BACE2: variants seen among roughly 807,000 people sequenced by gnomAD.
BACE2 encodes 56 kDa aspartic-like protease.
Under a neutral mutation model 46.2 loss-of-function variants are expected in BACE2, and 17 were observed. The observed-to-expected ratio is 0.37, with a 90% confidence interval of 0.25 to 0.55. BACE2 has a LOEUF of 0.55. BACE2 is among the 20% of genes least tolerant of loss of function. The pLI, the probability that BACE2 is intolerant of heterozygous loss-of-function variation, is 0.82. For missense variants in BACE2, 595 were observed against 698.1 expected, an observed-to-expected ratio of 0.85 and a Z score of 1.66; for synonymous variants, 277 against 295.9, an observed-to-expected ratio of 0.94 and a Z score of 0.66.
intron 2 of BACE2, among the ~76,000 whole-genome samples, chr21:41,233,831 T>A: frequency 6.6e-6 from 1 of 152,212 alleles, no homozygotes; most frequent in South Asian, 2.1e-4. Context: ...CATGGTGGCA[T>A]GCGCCTGTAA....
intron 1 of BACE2, among the ~76,000 whole-genome samples, chr21:41,209,052 C>A (rs2123542654): frequency 6.6e-6 from 1 of 152,338 alleles, no homozygotes; most frequent in East Asian, 1.9e-4. Flanking sequence ...CCCAAACGTT[C>A]TGTCGTGCGG....
Position 41,275,942 on chromosome 21 carries a change from G to A in BACE2, c.*318G>A, listed in dbSNP as rs1313902850. On this transcript the variant is annotated 3_prime_UTR_variant, in exon 9 of 9. Coordinates refer to ENST00000330333, the MANE Select transcript of BACE2 (RefSeq NM_012105.5). ...TGCCACCAACATAAAACAAAACCAA[G>A]CCTTGGCTCGTTCTCTTCTCTCTTC... 2 of 308,712 alleles carry A rather than the reference G, an allele frequency of 6.5e-6. No individual in the cohort carries two copies. Among genetic ancestry groups the A allele is most frequent in the Admixed American group, 4.5e-5 (1 of 22,014 alleles). 19.1% of individuals were successfully genotyped at this position (308,712 alleles called of 1,614,324 possible).
chr21:41,187,756 G>A (rs937818672), intron 1 of BACE2, among the ~76,000 whole-genome samples: 33 of 152,150 alleles, frequency 2.2e-4, no homozygotes, highest in African/African-American at 6.8e-4. Context: ...CCACAAAACC[G>A]CCTTTGAGAG....
In BACE2 at chr21:41,282,295, G is replaced by A. The variant is rs77183214; in HGVS notation, c.*6671G>A. ...GGGAATTTTTCTCTATTTCCAGCAC[G>A]CTGATTTGATTTAAAAATGTAATAA... On this transcript the variant is annotated 3_prime_UTR_variant, in exon 9 of 9. Coordinates refer to ENST00000330333, the MANE Select transcript of BACE2 (RefSeq NM_012105.5). 1.2e-3 allele frequency: 185 copies of A among 152,148 alleles called. 1 individual carries two copies. Among genetic ancestry groups the A allele is most frequent in the African/African-American group, 4.1e-3 (172 of 41,510 alleles). 9.4% of individuals were successfully genotyped at this position (152,148 alleles called of 1,614,324 possible).
chr21:41,195,474 A>T (rs1275197417), intron 1 of BACE2, among the ~76,000 whole-genome samples: 1 of 152,234 alleles, frequency 6.6e-6, no homozygotes, highest in Non-Finnish European at 1.5e-5. Flanking sequence ...GCAGTCAAAT[A>T]CAGAACTTCC....
At chr21:41,271,532 T>G (rs1399354194) in intron 8 of BACE2, among the ~76,000 whole-genome samples, 4 of 152,240 alleles carry the variant, frequency 2.6e-5, no homozygotes, top group Non-Finnish European at 4.4e-5. Flanking sequence ...CAAAGAAAAC[T>G]ATTTTTCTTT....
intron 2 of BACE2, chr21:41,236,760 C>CCGTG (rs1987130827): frequency 6.6e-6 from 1 of 152,238 alleles, no homozygotes; most frequent in African/African-American, 2.4e-5. Context: ...CTCTGGGATG[C>CCGTG]CGGCACCTAC....
chr21:41,255,584 G>A (rs1358712193), intron 7 of BACE2, among the ~76,000 whole-genome samples: 2 of 152,198 alleles, frequency 1.3e-5, no homozygotes, highest in Non-Finnish European at 2.9e-5. Flanking sequence ...TTACTGCCTG[G>A]TTCCCCCTAG....
chr21:41,184,087 G>A lies in BACE2; in HGVS notation c.312+15512G>A, dbSNP rs547273847. 4 of 167,094 alleles carry A rather than the reference G, an allele frequency of 2.4e-5. No homozygotes were observed. The South Asian group carries it at 6.2e-4, about 26-fold the overall frequency. The allele number at this position is 167,094 out of a possible 1,614,324, so 10.4% of individuals were successfully genotyped here. Reference sequence around the variant, plus strand: ...ACTTTAAAGGCTATGTTTAAGCGTCGTTTCATAGGACTTGAAGGTCCCATT... The same window carrying A: ...ACTTTAAAGGCTATGTTTAAGCGTCATTTCATAGGACTTGAAGGTCCCATT... On this transcript the variant is annotated intron_variant, in intron 1 of 8. Coordinates refer to ENST00000330333, the MANE Select transcript of BACE2 (RefSeq NM_012105.5).
At chr21:41,226,223 A>G (rs368254374) in intron 1 of BACE2, 43 bp from the exon 2 acceptor site, 42 of 1,495,544 alleles carry the variant, frequency 2.8e-5, no homozygotes, top group Non-Finnish European at 3.5e-5. Flanking sequence ...TATTAAAATA[A>G]CTTGATGCTT....
At chr21:41,204,971 A>AT (rs1986081099) in intron 1 of BACE2, among the ~76,000 whole-genome samples, 1 of 152,194 alleles carries the variant, frequency 6.6e-6, no homozygotes. Context: ...ATGGAAAAAA[A>AT]CATCAAAGCC....
intron 8 of BACE2, among the ~76,000 whole-genome samples, chr21:41,268,029 AAATACAC>A: frequency 6.6e-6 from 1 of 152,232 alleles, no homozygotes; most frequent in East Asian, 1.9e-4. Context: ...CTTTCAGAGA[AAATACAC>A]AATTAAAATT....
At chr21:41,194,592 G>A (rs730513) in intron 1 of BACE2, among the ~76,000 whole-genome samples, 21,990 of 152,090 alleles carry the variant, frequency 0.14, 1,799 homozygotes, top group Non-Finnish European at 0.18. Context: ...GAAAATACAA[G>A]GCCCTCAACA....
chr21:41,183,887 G>A (rs1985245758), intron 1 of BACE2: 1 of 167,016 alleles, frequency 6.0e-6, no homozygotes, highest in Non-Finnish European at 1.5e-5. Flanking sequence ...TTCTGGCCCA[G>A]GGGTCAGCAA....
intron 1 of BACE2, among the ~76,000 whole-genome samples, chr21:41,204,012 G>C (rs984633302): frequency 6.6e-6 from 1 of 152,080 alleles, no homozygotes; most frequent in Non-Finnish European, 1.5e-5. Context: ...CTGTGGAGGA[G>C]AACAGAGAGA....
At chr21:41,217,986 C>CT (rs1986526852) in intron 1 of BACE2, among the ~76,000 whole-genome samples, 1 of 152,232 alleles carries the variant, frequency 6.6e-6, no homozygotes, top group African/African-American at 2.4e-5. Context: ...TTTTGGACTT[C>CT]TGACCTCCAG....
rs1985583788 is a variant in BACE2, at chr21:41,191,913, C to T, written c.312+23338C>T. 2.0e-5 allele frequency among the ~76,000 whole-genome samples: 3 copies of T among 152,178 alleles called. No individual in the cohort carries two copies. The South Asian group carries it at 6.2e-4, about 31-fold the overall frequency. On this transcript the variant is annotated intron_variant, in intron 1 of 8. Transcript: ENST00000330333. ...TTTTGACCACTCAGAGAGGTCCATC[C>T]ACATCCCTCTTCCCCAAATTTCTTT...
At chr21:41,213,865 T>C (rs1397088739) in intron 1 of BACE2, among the ~76,000 whole-genome samples, 2 of 152,170 alleles carry the variant, frequency 1.3e-5, no homozygotes, top group Non-Finnish European at 2.9e-5. Flanking sequence ...GGATTCTTCC[T>C]GAAAAATCCT....
chr21:41,221,124 T>G (rs1986632090), intron 1 of BACE2, among the ~76,000 whole-genome samples: 1 of 152,126 alleles, frequency 6.6e-6, no homozygotes, highest in African/African-American at 2.4e-5. Flanking sequence ...CAAATCTGTT[T>G]CCCTACCATT....
Sources: allele counts gnomAD v4.1 joint callset (sites outside exome capture counted in the v4.1 genomes callset), GRCh38; gene constraint gnomAD v4.1.1; transcripts MANE v1.5; gene names NCBI Gene and HGNC (gene_info 2026-07-23, HGNC 2026-07-21).